PRORP: variants seen among roughly 807,000 people sequenced by gnomAD.
The protein encoded by PRORP is mitochondrial ribonuclease P catalytic subunit.
PRORP carries 51 observed loss-of-function variants against 59.4 expected under a neutral mutation model. The observed-to-expected ratio is 0.86, with a 90% CI of 0.69 to 1.08. The LOEUF (loss-of-function observed/expected upper bound fraction) is 1.08. Among genes scored for constraint, PRORP ranks in the 50% least tolerant of loss-of-function variants. The probability of loss-of-function intolerance (pLI) is 0.00; values close to 1 mark genes in which losing one functional copy is unlikely to be tolerated. For missense variants in PRORP, 646 were observed against 690.3 expected, an observed-to-expected ratio of 0.94 and a Z score of 0.72; for synonymous variants, 231 against 245.6, an observed-to-expected ratio of 0.94 and a Z score of 0.55.
chr14:35,130,336 A>G (rs2047207923), intron 4 of PRORP, among the ~76,000 whole-genome samples: 1 of 151,796 alleles, frequency 6.6e-6, no homozygotes. Context: ...CACTAAACTC[A>G]TTGTTTAGTC....
chr14:35,123,317 A>C lies in PRORP; in HGVS notation c.72A>C (p.Pro24=), dbSNP rs1339811087. 1 of 1,613,880 alleles carries C rather than the reference A, an allele frequency of 6.2e-7. No individual in the cohort carries two copies. The highest frequency in any genetic ancestry group is 8.5e-7 in the Non-Finnish European group (1 of 1,180,040). ...AGAGCCCATACCTTGGGCTAGGCCC[A>C]GGGCACTCTTATGTCTCGCTGTTTC... The part of the protein sequence containing the change: ...LWKSPYLGLG[P]GHSYVSLFLA... Residue 24 remains proline (P), a synonymous_variant, in exon 2 of 8, where the codon CCA becomes CCC. Transcript: ENST00000534898.
chr14:35,174,086 T>C (rs1300284808), intron 4 of PRORP, among the ~76,000 whole-genome samples: 2 of 152,252 alleles, frequency 1.3e-5, no homozygotes, highest in South Asian at 2.1e-4. Flanking sequence ...AATCACATAA[T>C]GTCACTTCTG....
intron 5 of PRORP, among the ~76,000 whole-genome samples, chr14:35,213,240 T>G (rs2049496497): frequency 6.6e-6 from 1 of 152,182 alleles, no homozygotes; most frequent in Admixed American, 6.5e-5. Flanking sequence ...CTTTATCGTT[T>G]GCGTGTTCAC....
intron 5 of PRORP, among the ~76,000 whole-genome samples, chr14:35,230,809 G>T (rs2050058310): frequency 6.6e-6 from 1 of 152,184 alleles, no homozygotes; most frequent in Non-Finnish European, 1.5e-5. Context: ...TGAGAAGCTG[G>T]TATTGTTCAA....
In PRORP at chr14:35,152,241, G is replaced by A. The variant is rs2047775857; in HGVS notation, c.1167+24630G>A. 2.0e-5 allele frequency among the ~76,000 whole-genome samples: 3 copies of A among 152,224 alleles called. No individual in the cohort carries two copies. In the South Asian group the frequency reaches 6.2e-4, roughly 32 times the overall value. ...ACAGCACATGTTTCAGAGAGCACAG[G>A]GTTGGGGATAAGGTCATAGATCAAC... On this transcript the variant is annotated intron_variant, in intron 4 of 7. Transcript: ENST00000534898.
intron 5 of PRORP, among the ~76,000 whole-genome samples, chr14:35,238,016 A>G (rs1211111612): frequency 1.3e-5 from 2 of 151,844 alleles, no homozygotes; most frequent in African/African-American, 4.8e-5. Flanking sequence ...CTCTAAATAC[A>G]GTGCACATAG....
chr14:35,123,372 C>T lies in PRORP; in HGVS notation c.127C>T (p.Gln43Ter), dbSNP rs1033375657. Residue 43 changes from glutamine (Q) to a stop codon, truncating the protein, a stop_gained, in exon 2 of 8, where the codon CAG becomes TAG. Transcript: ENST00000534898. LOFTEE classifies it high-confidence loss of function. ...LADRCGIRNQ[Q>*]RLFSLKTMSP... is the part of the protein sequence containing the mutation. ...AGACCGCTGTGGCATCAGGAACCAG[C>T]AGAGGTTGTTTTCTCTTAAAACAAT... The T allele has an allele frequency of 6.2e-7, 1 of 1,614,154 alleles. No homozygotes were observed. The highest frequency in any genetic ancestry group is 8.5e-7 in the Non-Finnish European group (1 of 1,180,032).
At chr14:35,273,326 C>T (rs1260612990) in intron 7 of PRORP, 109 bp from the exon 8 acceptor site, 1 of 998,684 alleles carries the variant, frequency 1.0e-6, no homozygotes, top group Non-Finnish European at 1.4e-6. Context: ...GTGAGATAAT[C>T]CATTATCAAT....
At chr14:35,214,867 A>G (rs565319886) in intron 5 of PRORP, among the ~76,000 whole-genome samples, 1 of 152,332 alleles carries the variant, frequency 6.6e-6, no homozygotes, top group Non-Finnish European at 1.5e-5. Flanking sequence ...AGATCGTGCC[A>G]CTGCACTCCA....
chr14:35,156,782 A>G (rs1039648327), intron 4 of PRORP, among the ~76,000 whole-genome samples: 4 of 152,234 alleles, frequency 2.6e-5, no homozygotes, highest in Admixed American at 6.5e-5. Context: ...ATATCAAGGT[A>G]CAGTGTCCCC....
At chr14:35,236,004 G>A (rs1401006112) in intron 5 of PRORP, among the ~76,000 whole-genome samples, 2 of 150,770 alleles carry the variant, frequency 1.3e-5, no homozygotes, top group Non-Finnish European at 2.9e-5. Context: ...GCTGAGGTGG[G>A]AGGACATCTT....
At chr14:35,172,527 TCTCTCC>T (rs1566474687) in intron 4 of PRORP, among the ~76,000 whole-genome samples, 2 of 137,682 alleles carry the variant, frequency 1.5e-5, no homozygotes, top group African/African-American at 5.5e-5. Flanking sequence ...TCTCTCCCTC[TCTCTCC>T]TGTCCTCTCC....
chr14:35,256,176 C>T, intron 5 of PRORP, among the ~76,000 whole-genome samples: 1 of 148,296 alleles, frequency 6.7e-6, no homozygotes, highest in Non-Finnish European at 1.5e-5. Context: ...CCCAGATGCT[C>T]GGGAGGCTGA....
chr14:35,209,812 A>G (rs1014711596), intron 5 of PRORP, among the ~76,000 whole-genome samples: 4 of 152,218 alleles, frequency 2.6e-5, no homozygotes, highest in Non-Finnish European at 4.4e-5. Context: ...CTGGGATTAC[A>G]GGCGTGAGCC....
chr14:35,269,947 C>T (rs1304969495), intron 6 of PRORP, among the ~76,000 whole-genome samples: 2 of 152,138 alleles, frequency 1.3e-5, no homozygotes, highest in Non-Finnish European at 1.5e-5. Flanking sequence ...TCTGAAATAC[C>T]AGTTCAGCTT....
At chr14:35,237,569 A>G (rs927019372) in intron 5 of PRORP, among the ~76,000 whole-genome samples, 1 of 152,124 alleles carries the variant, frequency 6.6e-6, no homozygotes, top group African/African-American at 2.4e-5. Context: ...ACTTAAATCA[A>G]TTTACAGTTA....
intron 5 of PRORP, among the ~76,000 whole-genome samples, chr14:35,191,589 G>C (rs918039970): frequency 1.3e-5 from 2 of 152,132 alleles, no homozygotes; most frequent in East Asian, 1.9e-4. Context: ...TGTGGTTCCA[G>C]CTTCTCAGAA....
At chr14:35,265,762 A>G (rs1337794737) in intron 5 of PRORP, among the ~76,000 whole-genome samples, 1 of 152,174 alleles carries the variant, frequency 6.6e-6, no homozygotes, top group Non-Finnish European at 1.5e-5. Context: ...AATATGATAA[A>G]TATATAAAGG....
chr14:35,266,641 C>A (rs2051050013), intron 5 of PRORP, 86 bp from the exon 6 acceptor site: 2 of 1,414,518 alleles, frequency 1.4e-6, no homozygotes, highest in Non-Finnish European at 2.0e-6. Context: ...AGTGCTTCAC[C>A]ATTGAGGTGG....
Sources: allele counts gnomAD v4.1 joint callset (sites outside exome capture counted in the v4.1 genomes callset), GRCh38; gene constraint gnomAD v4.1.1; transcripts MANE v1.5; gene names NCBI Gene and HGNC (gene_info 2026-07-23, HGNC 2026-07-21).